The following TARS3 variants were observed in gnomAD, a reference collection of about 807,000 sequenced individuals.
The protein encoded by TARS3 is threonyl-tRNA synthetase 3, also known as threonine--tRNA ligase 2, cytoplasmic.
TARS3 carries 94 observed loss-of-function variants against 103.5 expected under a neutral mutation model. That is an observed-to-expected ratio of 0.91 (90% CI 0.77 to 1.08). The LOEUF (loss-of-function observed/expected upper bound fraction) is 1.08. TARS3 is among the 50% of genes least tolerant of loss of function. The pLI is 0.00. For synonymous variants in TARS3, 416 were observed against 355.4 expected (o/e 1.17, Z -1.92); for missense variants, 952 against 995.2 (o/e 0.96, Z 0.58).
chr15:101,669,449 A>C (rs1897711831), intron 15 of TARS3, among the ~76,000 whole-genome samples: 1 of 152,218 alleles, frequency 6.6e-6, no homozygotes, highest in Non-Finnish European at 1.5e-5. Flanking sequence ...GTGTAGCCTA[A>C]ATGTACAGTG....
At position 101,675,755 on chromosome 15, in the gene TARS3, G is replaced by T. The variant is rs746038625; in HGVS notation, c.1651-18C>A. On this transcript the variant is annotated intron_variant, in intron 12 of 18. Coordinates refer to ENST00000335968, the MANE Select transcript of TARS3 (RefSeq NM_152334.3). ...TCTTCAATCTGAAATCAAAGCAAAT[G>T]AAACATTCAAATAGAACATCAAATT... The T allele has an allele frequency of 1.0e-5, 16 of 1,601,174 alleles. No individual in the cohort carries two copies. The highest frequency in any genetic ancestry group is 1.4e-5 in the Non-Finnish European group (16 of 1,175,588).
chr15:101,655,248 A>C (rs1897156734), intron 18 of TARS3, among the ~76,000 whole-genome samples: 1 of 139,378 alleles, frequency 7.2e-6, no homozygotes, highest in South Asian at 2.4e-4. Context: ...TAGGGTGCAA[A>C]TGAGAGGGGG....
intron 15 of TARS3, among the ~76,000 whole-genome samples, chr15:101,669,214 A>C (rs1335791264): frequency 6.6e-6 from 1 of 152,222 alleles, no homozygotes; most frequent in Non-Finnish European, 1.5e-5. Flanking sequence ...AGTTTTTAAC[A>C]AAAAAACTTA....
intron 12 of TARS3, among the ~76,000 whole-genome samples, chr15:101,680,189 T>C (rs932682986): frequency 1.3e-5 from 2 of 152,342 alleles, no homozygotes; most frequent in Non-Finnish European, 1.5e-5. Context: ...GAGGTACTTA[T>C]TTAGAGCCTG....
intron 17 of TARS3, among the ~76,000 whole-genome samples, 160 bp downstream of exon 17, chr15:101,657,625 G>A (rs1206861581): frequency 6.6e-6 from 1 of 152,226 alleles, no homozygotes; most frequent in Non-Finnish European, 1.5e-5. Context: ...TGAGACAGCT[G>A]CAGAGACATG....
chr15:101,699,319 C>T, intron 10 of TARS3: 1 of 445,702 alleles, frequency 2.2e-6, no homozygotes, highest in Non-Finnish European at 4.5e-6. Context: ...CCTTCCCAAC[C>T]AGTGCCCTTA....
At position 101,677,111 on chromosome 15, in the gene TARS3, C is replaced by T. The variant is rs115771531; in HGVS notation, c.1651-1374G>A. Among the ~76,000 whole-genome samples, 239 of 152,258 alleles carry T rather than the reference C, an allele frequency of 1.6e-3. 1 individual carries two copies. The highest frequency in any genetic ancestry group is 5.4e-3 in the African/African-American group (225 of 41,546). On this transcript the variant is annotated intron_variant, in intron 12 of 18. Transcript: ENST00000335968. The stretch of plus-strand genomic sequence containing the variant: ...TGCTGAGGATAATGGCTTGTGATGG[C>T]TACTTTTAAGTGTTAACTCGACTGA...
At chr15:101,657,068 A>G in intron 17 of TARS3, 32 bp from the exon 18 acceptor site, 2 of 1,425,008 alleles carry the variant, frequency 1.4e-6, no homozygotes, top group Non-Finnish European at 2.0e-6. Flanking sequence ...TTACTGTTAC[A>G]TTATGGTACC....
chr15:101,667,744 T>A (rs1009444985), intron 15 of TARS3, among the ~76,000 whole-genome samples: 1 of 151,860 alleles, frequency 6.6e-6, no homozygotes, highest in African/African-American at 2.4e-5. Flanking sequence ...CTAATTTTTT[T>A]ATTTTTATTT....
chr15:101,704,462 C>G (rs554207378), intron 7 of TARS3, among the ~76,000 whole-genome samples: 6 of 152,024 alleles, frequency 3.9e-5, no homozygotes, highest in South Asian at 2.1e-4. Context: ...AGACCAGCCT[C>G]GCCAACATAG....
In TARS3 at chr15:101,685,940, T is replaced by C. The variant is rs562290819; in HGVS notation, c.1443A>G (p.Glu481=). The C allele has an allele frequency of 6.2e-7, 1 of 1,614,046 alleles. No individual in the cohort carries two copies. The highest frequency in any genetic ancestry group is 1.3e-5 in the African/African-American group (1 of 75,040). Residue 481 remains glutamate (E), a synonymous_variant, in exon 11 of 19, where the codon GAA becomes GAG. Transcript: ENST00000335968. Reference sequence around the variant, plus strand: ...TGGGTTTGAGGGCAAAAGTGTCCTTTTCAATCTCAAAGGTAAACATGTTCT... The same window carrying C: ...TGGGTTTGAGGGCAAAAGTGTCCTTCTCAATCTCAAAGGTAAACATGTTCT... ...YSENMFTFEI[E]KDTFALKPMN... is the part of the protein sequence containing the mutation.
At chr15:101,714,364 G>C (rs896594241) in intron 4 of TARS3, among the ~76,000 whole-genome samples, 1 of 152,096 alleles carries the variant, frequency 6.6e-6, no homozygotes, top group Admixed American at 6.5e-5. Context: ...AGCACTATGG[G>C]AGGCTGAGGG....
chr15:101,691,956 C>T (rs1406044317), intron 10 of TARS3, among the ~76,000 whole-genome samples: 1 of 152,170 alleles, frequency 6.6e-6, no homozygotes, highest in Non-Finnish European at 1.5e-5. Context: ...AGAATTACAT[C>T]TCCAACTTTC....
chr15:101,675,557 C>T (rs1352403570), intron 13 of TARS3, 43 bp downstream of exon 13: 1 of 1,587,512 alleles, frequency 6.3e-7, no homozygotes, highest in Non-Finnish European at 8.6e-7. Flanking sequence ...AGGTGTCTTC[C>T]ATACGACTAA....
At chr15:101,661,990 C>CT (rs1897400350) in intron 15 of TARS3, among the ~76,000 whole-genome samples, 174 bp from the exon 16 acceptor site, 1 of 151,814 alleles carries the variant, frequency 6.6e-6, no homozygotes, top group African/African-American at 2.4e-5. Context: ...AATCTTTTTT[C>CT]TTTTATTTTA....
At chr15:101,674,603 G>A (rs903653118) in intron 13 of TARS3, among the ~76,000 whole-genome samples, 7 of 152,004 alleles carry the variant, frequency 4.6e-5, no homozygotes, top group Non-Finnish European at 1.0e-4. Context: ...TCAGGAGATC[G>A]AGACCATCCT....
At chr15:101,700,373 TG>T (rs1345533909) in intron 10 of TARS3, among the ~76,000 whole-genome samples, 1 of 152,216 alleles carries the variant, frequency 6.6e-6, no homozygotes, top group Non-Finnish European at 1.5e-5. Flanking sequence ...CTGGGAGTCA[TG>T]CTATAGGCAA....
chr15:101,724,016 T>C (rs1900631218), intron 1 of TARS3, 75 bp downstream of exon 1: 4 of 1,277,778 alleles, frequency 3.1e-6, no homozygotes, highest in African/African-American at 1.6e-5. Context: ...GCCCCCGCAG[T>C]TGAAAACCTT....
chr15:101,671,513 G>A lies in TARS3; in HGVS notation c.1940C>T (p.Pro647Leu), dbSNP rs1897803067. The A allele has an allele frequency of 6.2e-7, 1 of 1,609,476 alleles. No homozygotes were observed. Among genetic ancestry groups the A allele is most frequent in the Non-Finnish European group, 8.5e-7 (1 of 1,176,074 alleles). ...CATIQLDFQL[P>L]IRFNLTYVSK... is the part of the protein sequence containing the mutation. ...AACATATGTGAGATTAAATCTAATA[G>A]GCAGTTGGAAGTCCAGCTGAATTGT... Residue 647 changes from proline (P) to leucine (L), a missense_variant, in exon 15 of 19, where the codon CCT becomes CTT. By Grantham distance (98) the Pro-to-Leu change is moderately conservative. Transcript: ENST00000335968.
Sources: allele counts gnomAD v4.1 joint callset (sites outside exome capture counted in the v4.1 genomes callset), GRCh38; gene constraint gnomAD v4.1.1; transcripts MANE v1.5; gene names NCBI Gene and HGNC (gene_info 2026-07-23, HGNC 2026-07-21).